ZNF148: variants seen among roughly 807,000 people sequenced by gnomAD.
The protein encoded by ZNF148 is Beta-Enolase Repressor Factor-1.
ZNF148 carries 7 observed loss-of-function variants against 67.7 expected under a neutral mutation model. The observed-to-expected ratio is 0.10, with a 90% CI of 0.06 to 0.19. ZNF148 has a LOEUF of 0.19. Ranked by LOEUF, ZNF148 falls within the 10% of genes least tolerant of loss-of-function variation. The pLI, the probability that ZNF148 is intolerant of heterozygous loss-of-function variation, is 1.00. For missense variants in ZNF148, 583 were observed against 947.1 expected, an observed-to-expected ratio of 0.62 and a Z score of 5.05; for synonymous variants, 333 against 330.7, an observed-to-expected ratio of 1.01 and a Z score of -0.08.
chr3:125,276,896 C>T (rs753448386), intron 7 of ZNF148, among the ~76,000 whole-genome samples: 2 of 152,168 alleles, frequency 1.3e-5, no homozygotes, highest in Non-Finnish European at 2.9e-5. Context: ...AATAACAACA[C>T]TGGGCAGGTA....
intron 4 of ZNF148, chr3:125,311,096 T>C (rs549398641): frequency 1.9e-5 from 4 of 206,202 alleles, no homozygotes; most frequent in Non-Finnish European, 4.2e-5. Context: ...GACATTCAGA[T>C]AGCTCTTCCT....
intron 4 of ZNF148, chr3:125,292,901 A>G (rs1295439068): frequency 6.6e-6 from 1 of 152,228 alleles, no homozygotes; most frequent in East Asian, 1.9e-4. Context: ...ATATCATCAC[A>G]GACTTAATAT....
rs759752715 is a variant in ZNF148, at chr3:125,369,384, C to CAAAAA, written c.-234+5713_-234+5717dup. Among the ~76,000 whole-genome samples, 2 of 47,498 alleles carry CAAAAA rather than the reference C, an allele frequency of 4.2e-5. 1 individual carries two copies. Among genetic ancestry groups the CAAAAA allele is most frequent in the Non-Finnish European group, 7.3e-5 (2 of 27,454 alleles). The allele number at this position is 47,498 out of a possible 152,430, so 31.2% of individuals were successfully genotyped here. A position where few individuals can be genotyped will look rare whatever the true frequency, so the allele number is the denominator to read the frequency against. On this transcript the variant is annotated intron_variant, in intron 1 of 8. Transcript: ENST00000360647. The stretch of plus-strand genomic sequence containing the variant: ...CAGAAGACAAAGAATACTGCAACCT[C>CAAAAA]AAAAAAAAAAAAAAAAAAAAAAAGT...
intron 2 of ZNF148, among the ~76,000 whole-genome samples, chr3:125,327,526 AAT>A (rs1439431629): frequency 6.6e-6 from 1 of 152,190 alleles, no homozygotes; most frequent in Non-Finnish European, 1.5e-5. Context: ...AAGTCATAAA[AAT>A]ATGTTGTCTG....
intron 4 of ZNF148, among the ~76,000 whole-genome samples, chr3:125,295,098 T>C (rs1249818474): frequency 6.6e-6 from 1 of 151,990 alleles, no homozygotes; most frequent in Non-Finnish European, 1.5e-5. Flanking sequence ...GCTTTCAAAA[T>C]AAGAAAAAAA....
At chr3:125,329,359 AATTTTTT>A (rs1941180839) in intron 2 of ZNF148, among the ~76,000 whole-genome samples, 1 of 37,696 alleles carries the variant, frequency 2.7e-5, no homozygotes, top group African/African-American at 1.3e-4. Flanking sequence ...ACATATATAA[AATTTTTT>A]TTTTTTTTTT....
At chr3:125,363,278 A>G (rs1218801614) in intron 1 of ZNF148, among the ~76,000 whole-genome samples, 1 of 152,248 alleles carries the variant, frequency 6.6e-6, no homozygotes, top group Non-Finnish European at 1.5e-5. Context: ...AAATAATTTC[A>G]TAACCGTCAG....
chr3:125,263,638 G>C (rs1240464283), intron 7 of ZNF148, among the ~76,000 whole-genome samples: 1 of 152,082 alleles, frequency 6.6e-6, no homozygotes, highest in African/African-American at 2.4e-5. Flanking sequence ...TGAGTGATCG[G>C]GGTGATAAAA....
chr3:125,241,513 A>AT (rs1263969698), intron 7 of ZNF148, among the ~76,000 whole-genome samples: 3 of 152,140 alleles, frequency 2.0e-5, no homozygotes, highest in Non-Finnish European at 4.4e-5. Flanking sequence ...CAAAGATAGC[A>AT]TATTTAATTC....
chr3:125,297,215 A>T (rs1003455441), intron 4 of ZNF148, among the ~76,000 whole-genome samples: 1 of 152,142 alleles, frequency 6.6e-6, no homozygotes, highest in Non-Finnish European at 1.5e-5. Flanking sequence ...GGAAATCTCT[A>T]TGGGTAAGTT....
chr3:125,247,548 A>G (rs1579611415), intron 7 of ZNF148, among the ~76,000 whole-genome samples: 1 of 151,834 alleles, frequency 6.6e-6, no homozygotes, highest in Non-Finnish European at 1.5e-5. Flanking sequence ...AGCGATTCTC[A>G]TGCCTCAGCC....
chr3:125,306,418 T>A (rs1283300990), intron 4 of ZNF148, among the ~76,000 whole-genome samples: 2 of 151,762 alleles, frequency 1.3e-5, no homozygotes, highest in Non-Finnish European at 2.9e-5. Context: ...AAAAGAAAAA[T>A]TATTATACCA....
chr3:125,347,574 T>A (rs1466267819), intron 1 of ZNF148, among the ~76,000 whole-genome samples: 2 of 149,616 alleles, frequency 1.3e-5, no homozygotes, highest in African/African-American at 2.6e-5. Flanking sequence ...GTATTATTTT[T>A]TTTTTTTTTC....
chr3:125,313,570 C>T lies in ZNF148; in HGVS notation c.71G>A (p.Arg24Lys). ...CACTCCACCCATTACAACCATTGTC[C>T]TGGAAGACTGCATTTCGTCTATGCC... ...CGGIDEMQSS[R>K]TMVVMGGVSG... The change falls in exon 4 of 9, where the codon AGG (arginine) becomes AAG (lysine). Residue 24 changes from arginine to lysine, a missense_variant. Coordinates refer to ENST00000360647, the MANE Select transcript of ZNF148 (RefSeq NM_021964.3). 2 of 1,614,182 alleles carry T rather than the reference C, an allele frequency of 1.2e-6. No individual in the cohort carries two copies. Among genetic ancestry groups the T allele is most frequent in the Non-Finnish European group, 1.7e-6 (2 of 1,180,028 alleles).
chr3:125,285,994 C>T (rs1473925167), intron 5 of ZNF148, among the ~76,000 whole-genome samples: 1 of 152,094 alleles, frequency 6.6e-6, no homozygotes, highest in East Asian at 1.9e-4. Flanking sequence ...AATACAGAGT[C>T]CAACACCCAA....
In ZNF148 at chr3:125,276,214, T is replaced by C. The variant is rs150557972; in HGVS notation, c.667+1512A>G. ...TTCATTTGTATCTGATCAGGTTTTA[T>C]TGTTATATAGGAATTTAAATTTAGC... On this transcript the variant is annotated intron_variant, in intron 7 of 8. Coordinates refer to ENST00000360647, the MANE Select transcript of ZNF148 (RefSeq NM_021964.3). 3.5e-3 allele frequency among the ~76,000 whole-genome samples: 540 copies of C among 152,310 alleles called. 5 individuals are homozygous for C. The highest frequency in any genetic ancestry group is 0.012 in the African/African-American group (507 of 41,564).
chr3:125,345,436 C>T (rs1419998371), intron 1 of ZNF148, among the ~76,000 whole-genome samples: 6 of 151,622 alleles, frequency 4.0e-5, no homozygotes, highest in Non-Finnish European at 7.4e-5. Context: ...GGAAAGATGT[C>T]GAACCAGTAA....
intron 7 of ZNF148, among the ~76,000 whole-genome samples, chr3:125,234,633 TC>T (rs940920686): frequency 6.6e-6 from 1 of 152,186 alleles, no homozygotes; most frequent in African/African-American, 2.4e-5. Context: ...ATGTTTCTAA[TC>T]TTTTTTTCAA....
intron 2 of ZNF148, among the ~76,000 whole-genome samples, chr3:125,328,997 TGATA>T (rs1941149904): frequency 1.8e-5 from 1 of 56,434 alleles, no homozygotes; most frequent in African/African-American, 9.5e-5. Context: ...TTTATACTAC[TGATA>T]TATATATATA....
Sources: allele counts gnomAD v4.1 joint callset (sites outside exome capture counted in the v4.1 genomes callset), GRCh38; gene constraint gnomAD v4.1.1; transcripts MANE v1.5; gene names NCBI Gene and HGNC (gene_info 2026-07-23, HGNC 2026-07-21).